Variants in ASXL1 observed in about 807,000 individuals in gnomAD.
ASXL1 encodes the protein polycomb group protein ASXL1.
Under a neutral mutation model 89.1 loss-of-function variants are expected in ASXL1, and 65 were observed. The ratio of observed to expected loss-of-function variants is 0.73; its 90% confidence interval spans 0.60 to 0.90. ASXL1 has a LOEUF of 0.90. Among genes scored for constraint, ASXL1 ranks in the 40% least tolerant of loss-of-function variants. The probability of loss-of-function intolerance (pLI) is 0.00; values close to 1 mark genes in which losing one functional copy is unlikely to be tolerated. For missense variants in ASXL1, 1,786 were observed against 1,942.9 expected, an observed-to-expected ratio of 0.92 and a Z score of 1.52; for synonymous variants, 739 against 746.9, an observed-to-expected ratio of 0.99 and a Z score of 0.17.
At position 32,436,687 on chromosome 20, in the gene ASXL1, T is replaced by C; in HGVS notation, c.3975T>C (p.Leu1325=). 1.2e-6 allele frequency: 2 copies of C among 1,613,986 alleles called. No homozygotes were observed. The highest frequency in any genetic ancestry group is 1.7e-6 in the Non-Finnish European group (2 of 1,180,036). Residue 1325 remains leucine, a synonymous_variant, in exon 13 of 13, where the codon CTT becomes CTC. Transcript: ENST00000375687. Reference sequence around the variant, plus strand: ...CCAGGCCTGCGGACCCGATGCCTCTTCCTGCTGAGATCCCTCCAGTTTTTC... The same window carrying C: ...CCAGGCCTGCGGACCCGATGCCTCTCCCTGCTGAGATCCCTCCAGTTTTTC... ...QRPRPADPMP[L]PAEIPPVFPS...
intron 4 of ASXL1, among the ~76,000 whole-genome samples, chr20:32,388,377 T>C (rs1417317621): frequency 6.6e-6 from 1 of 152,154 alleles, no homozygotes; most frequent in African/African-American, 2.4e-5. Flanking sequence ...AGTTTCACCA[T>C]GTTGGCCAGG....
Position 32,433,442 on chromosome 20 carries a change from A to C in ASXL1, c.1244A>C (p.Asp415Ala), listed in dbSNP as rs2123256668. ...CATTTTAAGAAACGCTCTCGGCCAGATCTCCGAACCAGAGCCAGAAGGAAT... is the reference window on the plus strand; with the variant it reads ...CATTTTAAGAAACGCTCTCGGCCAGCTCTCCGAACCAGAGCCAGAAGGAAT... ...DGHFKKRSRP[D>A]LRTRARRNLY... is the part of the protein sequence containing the mutation. The change falls in exon 12 of 13, where the codon GAT becomes GCT. Residue 415 changes from aspartate (D) to alanine (A), a missense_variant. Around this residue, in one of 3 missense-constraint regions of ASXL1, gnomAD observed 1,418 missense variants for 1,427.8 expected, o/e 0.99. Coordinates refer to ENST00000375687, the MANE Select transcript of ASXL1 (RefSeq NM_015338.6). 6.2e-6 allele frequency: 10 copies of C among 1,614,174 alleles called. No homozygotes were observed. The highest frequency in any genetic ancestry group is 8.5e-6 in the Non-Finnish European group (10 of 1,180,028).
intron 4 of ASXL1, among the ~76,000 whole-genome samples, chr20:32,421,021 G>A (rs2049235510): frequency 7.4e-6 from 1 of 134,470 alleles, no homozygotes; most frequent in Non-Finnish European, 1.6e-5. Context: ...TGAACAGTGA[G>A]AACCCATGGA....
rs776785621 is a variant in ASXL1, at chr20:32,437,088, G to A, written c.4376G>A (p.Ser1459Asn). 6.2e-7 allele frequency: 1 copy of A among 1,614,130 alleles called. No homozygotes were observed. The highest frequency in any genetic ancestry group is 8.5e-7 in the Non-Finnish European group (1 of 1,180,040). ...LSSTSFNYSS[S>N]SPTFPKGLAG... is the part of the protein sequence containing the mutation. ...TCCACCAGCTTTAATTATTCCTCTAGCTCTCCCACCTTTCCCAAAGGCCTT... is the reference window on the plus strand; with the variant it reads ...TCCACCAGCTTTAATTATTCCTCTAACTCTCCCACCTTTCCCAAAGGCCTT... The change falls in exon 13 of 13, where the codon AGC becomes AAC. Residue 1459 changes from serine (S) to asparagine (N), a missense_variant. By Grantham distance (46) the Ser-to-Asn change is conservative (BLOSUM62 1). Coordinates refer to ENST00000375687, the MANE Select transcript of ASXL1 (RefSeq NM_015338.6).
Position 32,358,732 on chromosome 20 carries a change from C to A in ASXL1, c.-44C>A, listed in dbSNP as rs1350529087. 114 of 1,272,708 alleles carry A rather than the reference C, an allele frequency of 9.0e-5. No individual in the cohort carries two copies. Among genetic ancestry groups the A allele is most frequent in the Non-Finnish European group, 1.1e-4 (106 of 943,770 alleles). The allele number at this position is 1,272,708 out of a possible 1,614,324, so 78.8% of individuals were successfully genotyped here. ...CGCGCCACCGCCCCAGCCCGCCCAGCCCGGAGGTCCCGCGTGGAGCTGCCG... is the reference window on the plus strand; with the variant it reads ...CGCGCCACCGCCCCAGCCCGCCCAGACCGGAGGTCCCGCGTGGAGCTGCCG... On this transcript the variant is annotated 5_prime_UTR_variant, in exon 1 of 13. Coordinates refer to ENST00000375687, the MANE Select transcript of ASXL1 (RefSeq NM_015338.6).
chr20:32,362,704 A>G (rs1288752865), intron 1 of ASXL1, among the ~76,000 whole-genome samples: 1 of 152,214 alleles, frequency 6.6e-6, no homozygotes, highest in African/African-American at 2.4e-5. Flanking sequence ...GATTCTTAAG[A>G]ATTTCAGTAT....
At position 32,431,704 on chromosome 20, in the gene ASXL1, C is replaced by T. The variant is rs539805460; in HGVS notation, c.979+25C>T. On this transcript the variant is annotated intron_variant, in intron 10 of 12. Coordinates refer to ENST00000375687, the MANE Select transcript of ASXL1 (RefSeq NM_015338.6). ...GGTATGTAGACTTGGTCATCTCGGA[C>T]GGCTTGCGACGCACCTGTCGTGTGG... is the stretch of plus-strand genomic sequence containing the variant. 22 of 1,607,000 alleles carry T rather than the reference C, an allele frequency of 1.4e-5. No homozygotes were observed. The Admixed American group carries it at 1.5e-4, about 11-fold the overall frequency.
At chr20:32,414,984 T>G (rs1158439098) in intron 4 of ASXL1, among the ~76,000 whole-genome samples, 2 of 150,854 alleles carry the variant, frequency 1.3e-5, no homozygotes, top group African/African-American at 2.4e-5. Context: ...TTCTGGTGTT[T>G]TTTGTTTGTT....
At chr20:32,359,362 C>T in intron 1 of ASXL1, 1 of 702,526 alleles carries the variant, frequency 1.4e-6, no homozygotes, top group East Asian at 2.7e-5. Flanking sequence ...AGTGCTTACT[C>T]CCAGCTTGAA....
At chr20:32,373,262 A>G (rs1320263877) in intron 4 of ASXL1, among the ~76,000 whole-genome samples, 2 of 151,898 alleles carry the variant, frequency 1.3e-5, no homozygotes, top group East Asian at 4.0e-4. Flanking sequence ...CTGTAATCCT[A>G]GCTACCCAAG....
At chr20:32,410,030 C>A (rs2049017468) in intron 4 of ASXL1, among the ~76,000 whole-genome samples, 3 of 152,072 alleles carry the variant, frequency 2.0e-5, no homozygotes, top group Admixed American at 1.3e-4. Context: ...GACAGGAATA[C>A]CTCAGCATGT....
intron 4 of ASXL1, among the ~76,000 whole-genome samples, chr20:32,375,188 C>T (rs143785498): frequency 1.8e-4 from 28 of 152,144 alleles, no homozygotes; most frequent in South Asian, 4.1e-4. Context: ...AGACATAGCC[C>T]GGCGCAGTGG....
Position 32,429,748 on chromosome 20 carries a change from G to GA in ASXL1, c.566-151dup. 3.7e-6 allele frequency: 4 copies of GA among 1,091,040 alleles called. No homozygotes were observed. The highest frequency in any genetic ancestry group is 3.9e-6 in the Non-Finnish European group (3 of 763,150). 67.6% of individuals were successfully genotyped at this position (1,091,040 alleles called of 1,614,324 possible). A position where few individuals can be genotyped will look rare whatever the true frequency, so the allele number is the denominator to read the frequency against. Reference sequence around the variant, plus strand: ...AGGTGATATTTTAAAGCCAGACCATGAAGTGGTGGTTTCTCTCAGCCTAAG... The same window carrying GA: ...AGGTGATATTTTAAAGCCAGACCATGAAAGTGGTGGTTTCTCTCAGCCTAAG... On this transcript the variant is annotated intron_variant, in intron 7 of 12. Transcript: ENST00000375687. The surrounding 1 kb of genome is among the most constrained non-coding windows in gnomAD (Gnocchi z 4.9).
chr20:32,377,131 ATATATAT>A (rs1450825381), intron 4 of ASXL1, among the ~76,000 whole-genome samples: 7 of 141,648 alleles, frequency 4.9e-5, no homozygotes, highest in East Asian at 2.0e-4. Flanking sequence ...TATTAATATA[ATATATAT>A]TATATATTAT....
intron 4 of ASXL1, among the ~76,000 whole-genome samples, chr20:32,378,195 T>TGTGTGTGTGTG (rs1569255451): frequency 6.1e-5 from 9 of 147,370 alleles, no homozygotes; most frequent in African/African-American, 9.9e-5. Context: ...TGTGTGTGTG[T>TGTGTGTGTGTG]TTTAATAGAG....
chr20:32,394,629 A>G (rs1281702069), intron 4 of ASXL1, among the ~76,000 whole-genome samples: 3 of 152,198 alleles, frequency 2.0e-5, no homozygotes, highest in African/African-American at 7.2e-5. Context: ...ACTTTGTGCT[A>G]TGTTTGTCAT....
intron 4 of ASXL1, among the ~76,000 whole-genome samples, chr20:32,414,332 C>T (rs1473828158): frequency 6.7e-6 from 1 of 149,804 alleles, no homozygotes; most frequent in Non-Finnish European, 1.5e-5. Context: ...AATCAGTTCT[C>T]TAGGAGATAA....
intron 4 of ASXL1, among the ~76,000 whole-genome samples, chr20:32,383,860 T>C (rs1318150671): frequency 6.6e-6 from 1 of 152,156 alleles, no homozygotes; most frequent in Non-Finnish European, 1.5e-5. Flanking sequence ...GCATGAGGGC[T>C]CAGTTTCTCC....
chr20:32,430,280 A>C, intron 8 of ASXL1: 2 of 608,436 alleles, frequency 3.3e-6, no homozygotes, highest in Non-Finnish European at 5.5e-6. Flanking sequence ...TGTTTCTCGT[A>C]TGTCCCTGTA....
Sources: gnomAD v4.1 joint callset for allele counts (sites outside exome capture counted in the v4.1 genomes callset) on GRCh38, gnomAD v4.1.1 for gene constraint, gnomAD v4.1.1 regional missense constraint, Gnocchi (gnomAD v3.1) non-coding constraint, MANE v1.5 for transcripts, NCBI Gene and HGNC (gene_info 2026-07-23, HGNC 2026-07-21) for gene names.